KLHL5: variants seen among roughly 807,000 people sequenced by gnomAD.
The protein encoded by KLHL5 is kelch-like protein 5.
Under a neutral mutation model 77.7 loss-of-function variants are expected in KLHL5, and 48 were observed. The observed-to-expected ratio is 0.62, with a 90% confidence interval of 0.49 to 0.79. The LOEUF is 0.79. Among genes scored for constraint, KLHL5 ranks in the 30% least tolerant of loss-of-function variants. The pLI, the probability that KLHL5 is intolerant of heterozygous loss-of-function variation, is 0.00. For missense variants in KLHL5, 723 were observed against 859.7 expected (o/e 0.84, Z 1.99); for synonymous variants, 260 against 297.0 (o/e 0.88, Z 1.28).
Position 39,081,386 on chromosome 4 carries a change from A to G in KLHL5, c.703+147A>G. The stretch of plus-strand genomic sequence containing the variant: ...CCCTTTGTATTTAACCTGGTGATGA[A>G]TTAAAATTTCCATACTAAAACCTTT... On this transcript the variant is annotated intron_variant, in intron 3 of 10. Transcript: ENST00000504108. This position sits in a 1 kb window ranked among gnomAD's most constrained non-coding sequence, Gnocchi z 4.3. The G allele has an allele frequency of 1.8e-6, 1 of 560,786 alleles. No individual in the cohort carries two copies. Among genetic ancestry groups the G allele is most frequent in the East Asian group, 3.4e-5 (1 of 29,000 alleles). 34.7% of individuals were successfully genotyped at this position (560,786 alleles called of 1,614,324 possible).
At chr4:39,130,947 ATCC>A (rs2109668199), downstream of KLHL5, among the ~76,000 whole-genome samples, 1 of 151,820 alleles carries the variant, frequency 6.6e-6, no homozygotes, top group Non-Finnish European at 1.5e-5. Context: ...GGCTCAAGCA[ATCC>A]TCCTGCCTCA....
rs201205363 is a variant in KLHL5, at chr4:39,096,691, G to A, written c.1114-1G>A. 1.2e-6 allele frequency: 2 copies of A among 1,607,444 alleles called. No homozygotes were observed. The highest frequency in any genetic ancestry group is 2.2e-5 in the East Asian group (1 of 44,780). ...TATACATACCTACTATTCTTTTCTA[G>A]TTCCTGGCAGACATGGAAAATAATG... On this transcript the variant is annotated splice_acceptor_variant, in intron 5 of 10. Coordinates refer to ENST00000504108, the MANE Select transcript of KLHL5 (RefSeq NM_015990.5). LOFTEE classifies it high-confidence loss of function.
the KLHL5 span, among the ~76,000 whole-genome samples, chr4:39,142,522 T>C: frequency 3.9e-5 from 6 of 152,272 alleles, no homozygotes; most frequent in Admixed American, 2.6e-4. Flanking sequence ...GCTGTTCCTT[T>C]TGAAACTAAG....
chr4:39,101,084 T>G (rs1322548672), intron 6 of KLHL5, among the ~76,000 whole-genome samples: 1 of 145,350 alleles, frequency 6.9e-6, no homozygotes, highest in African/African-American at 2.6e-5. Context: ...TACATAAAAT[T>G]TTATAATTAT....
chr4:39,116,114 C>T (rs1722818004), intron 10 of KLHL5: 1 of 791,850 alleles, frequency 1.3e-6, no homozygotes, highest in Non-Finnish European at 1.5e-6. Context: ...GGGCAGATCA[C>T]GAGGTCAGGA....
intron 2 of KLHL5, among the ~76,000 whole-genome samples, chr4:39,078,342 C>T (rs1300701226): frequency 1.3e-5 from 2 of 150,922 alleles, no homozygotes; most frequent in Admixed American, 6.6e-5. Flanking sequence ...ACCGAGATCA[C>T]GCCACTGCAC....
chr4:39,129,981 C>A (rs1053336057), downstream of KLHL5, among the ~76,000 whole-genome samples: 1 of 152,100 alleles, frequency 6.6e-6, no homozygotes, highest in Non-Finnish European at 1.5e-5. This position sits in a 1 kb window ranked among gnomAD's most constrained non-coding sequence, Gnocchi z 4.2. Flanking sequence ...GAGTTGTTAC[C>A]CCATTGCTTG....
At chr4:39,068,154 A>C (rs915108337) in intron 1 of KLHL5, among the ~76,000 whole-genome samples, 30 of 152,208 alleles carry the variant, frequency 2.0e-4, no homozygotes, top group African/African-American at 7.2e-4. Context: ...TATCTGCATA[A>C]TATCACCACT....
Position 39,086,680 on chromosome 4 carries a change from C to T in KLHL5, c.1066C>T (p.Leu356=), listed in dbSNP as rs753384110. Residue 356 remains leucine, a synonymous_variant, in exon 5 of 11, where the codon CTA becomes TTA. Coordinates refer to ENST00000504108, the MANE Select transcript of KLHL5 (RefSeq NM_015990.5). ...TGATTTGGAACAGAGACGGAAAGAT[C>T]TAAGTAAACTTTTGGCTTATATTAG... ...RHDLEQRRKD[L]SKLLAYIRLP... 2.5e-6 allele frequency: 4 copies of T among 1,613,944 alleles called. No individual in the cohort carries two copies. Among genetic ancestry groups the T allele is most frequent in the Non-Finnish European group, 2.5e-6 (3 of 1,179,950 alleles).
intron 4 of KLHL5, among the ~76,000 whole-genome samples, 186 bp from the exon 5 acceptor site, chr4:39,086,329 A>T (rs918658152): frequency 3.9e-5 from 6 of 152,248 alleles, no homozygotes; most frequent in African/African-American, 1.4e-4. Context: ...TATGTTTAAC[A>T]ACATAATTGC....
chr4:39,140,473 C>G, the KLHL5 span, among the ~76,000 whole-genome samples: 3 of 152,274 alleles, frequency 2.0e-5, no homozygotes, highest in South Asian at 4.1e-4. Context: ...AACTTATTCT[C>G]AAACAGTTCA....
chr4:39,064,561 A>G (rs776538393), intron 1 of KLHL5, among the ~76,000 whole-genome samples: 17 of 152,276 alleles, frequency 1.1e-4, no homozygotes, highest in Non-Finnish European at 2.1e-4. Context: ...AACTCTTAAC[A>G]TGTTATCTAC....
At chr4:39,082,260 G>C in intron 4 of KLHL5, 101 bp downstream of exon 4, 1 of 963,132 alleles carries the variant, frequency 1.0e-6, no homozygotes, top group Non-Finnish European at 1.5e-6. Flanking sequence ...GCTCTGCCAC[G>C]TGTCTTGCGA....
the KLHL5 span, among the ~76,000 whole-genome samples, chr4:39,134,316 G>A: frequency 6.6e-6 from 1 of 152,196 alleles, no homozygotes; most frequent in African/African-American, 2.4e-5. Flanking sequence ...GGGAGGTTGA[G>A]TCAACTTGAT....
chr4:39,132,182 GAAAGGAAATGCATTGGAATGTCCAGGA>G, the KLHL5 span, among the ~76,000 whole-genome samples: 3,687 of 152,252 alleles, frequency 0.024, 146 homozygotes, highest in African/African-American at 0.083. Context: ...ACAAAAAAAG[GAAAGGAAATGCATTGGAATGTCCAGGA>G]AGAGGTGACC....
At chr4:39,120,988 C>T (rs576985884) in intron 10 of KLHL5, 22 bp from the exon 11 acceptor site, 12 of 1,592,684 alleles carry the variant, frequency 7.5e-6, no homozygotes, top group African/African-American at 1.3e-5. Flanking sequence ...AGATCCAATA[C>T]ATATCTCTTT....
At chr4:39,116,103 C>T (rs1053724264) in intron 10 of KLHL5, 28 of 874,844 alleles carry the variant, frequency 3.2e-5, no homozygotes, top group East Asian at 1.2e-4. Context: ...GAGGCTGAGG[C>T]GGGCAGATCA....
the KLHL5 span, among the ~76,000 whole-genome samples, chr4:39,142,262 G>A: frequency 6.6e-6 from 1 of 151,984 alleles, no homozygotes; most frequent in Non-Finnish European, 1.5e-5. Flanking sequence ...GGGCGTGGTG[G>A]CGGGCGCCTG....
intron 1 of KLHL5, among the ~76,000 whole-genome samples, chr4:39,051,523 A>C (rs1716644493): frequency 6.6e-6 from 1 of 152,216 alleles, no homozygotes; most frequent in Non-Finnish European, 1.5e-5. Flanking sequence ...CAAATTCAGA[A>C]AGCTTGTTTA....
Sources: gnomAD v4.1 joint callset for allele counts (sites outside exome capture counted in the v4.1 genomes callset) on GRCh38, gnomAD v4.1.1 for gene constraint, Gnocchi (gnomAD v3.1) non-coding constraint, MANE v1.5 for transcripts, NCBI Gene and HGNC (gene_info 2026-07-23, HGNC 2026-07-21) for gene names.